LOC400499: variants seen among roughly 807,000 people sequenced by gnomAD.
chr16:11,428,618 C>T, the LOC400499 span, among the ~76,000 whole-genome samples: 3 of 152,128 alleles, frequency 2.0e-5, no homozygotes, highest in African/African-American at 7.2e-5. Context: ...GGCATTCGGC[C>T]GGCTTCTTTA....
chr16:11,463,029 A>G, the LOC400499 span, among the ~76,000 whole-genome samples: 114,401 of 152,092 alleles, frequency 0.75, 43,610 homozygotes, highest in Admixed American at 0.8. Context: ...ATGATGGCAC[A>G]CTAGCCTTTC....
At chr16:11,409,952 A>G in the LOC400499 span, among the ~76,000 whole-genome samples, 55,992 of 151,982 alleles carry the variant, frequency 0.37, 10,405 homozygotes, top group South Asian at 0.39. Context: ...AGGTTGAAAT[A>G]ACTCAAAATA....
the LOC400499 span, among the ~76,000 whole-genome samples, chr16:11,453,686 G>A: frequency 1.3e-5 from 2 of 151,958 alleles, no homozygotes; most frequent in East Asian, 3.9e-4. Flanking sequence ...GAAACAAGGA[G>A]GCCAGGTGCG....
the LOC400499 span, among the ~76,000 whole-genome samples, chr16:11,463,670 G>C: frequency 6.6e-6 from 1 of 152,144 alleles, no homozygotes; most frequent in Non-Finnish European, 1.5e-5. Flanking sequence ...GATGTGTATG[G>C]ATGTGTGTGT....
the LOC400499 span, among the ~76,000 whole-genome samples, chr16:11,488,232 G>C: frequency 6.6e-6 from 1 of 152,050 alleles, no homozygotes; most frequent in African/African-American, 2.4e-5. Context: ...GGTAGTGATA[G>C]ACAATTTCCT....
the LOC400499 span, among the ~76,000 whole-genome samples, chr16:11,513,114 G>A: frequency 6.6e-6 from 1 of 152,230 alleles, no homozygotes; most frequent in East Asian, 1.9e-4. Context: ...AAATTTAATC[G>A]GCGGGGTTCA....
chr16:11,411,911 G>T, the LOC400499 span, among the ~76,000 whole-genome samples: 1 of 151,508 alleles, frequency 6.6e-6, no homozygotes, highest in Admixed American at 6.6e-5. Context: ...CACCCAGGCT[G>T]GAGTGCAGTG....
the LOC400499 span, among the ~76,000 whole-genome samples, chr16:11,474,192 T>C: frequency 7.2e-5 from 11 of 152,322 alleles, no homozygotes; most frequent in African/African-American, 2.6e-4. Flanking sequence ...GGTCACACAG[T>C]CTAGCTTGCA....
At chr16:11,452,182 C>A in the LOC400499 span, among the ~76,000 whole-genome samples, 1 of 146,088 alleles carries the variant, frequency 6.8e-6, no homozygotes, top group Non-Finnish European at 1.5e-5. Flanking sequence ...GAACATCTGT[C>A]TGGTTGCTCA....
At chr16:11,439,348 A>G in the LOC400499 span, 1 of 395,484 alleles carries the variant, frequency 2.5e-6, no homozygotes, top group Non-Finnish European at 4.5e-6. Flanking sequence ...CTGTTTGGCT[A>G]AGCACAACAT....
chr16:11,398,949 C>G, the LOC400499 span, among the ~76,000 whole-genome samples: 2 of 152,174 alleles, frequency 1.3e-5, no homozygotes, highest in Non-Finnish European at 2.9e-5. Context: ...CCGCTCGTGG[C>G]AGGATTTCTG....
the LOC400499 span, chr16:11,392,345 C>T: frequency 5.0e-6 from 2 of 398,972 alleles, no homozygotes; most frequent in East Asian, 3.6e-5. Context: ...GCCCCCCTGG[C>T]AGCCGCGCGC....
chr16:11,377,515 C>G, the LOC400499 span, among the ~76,000 whole-genome samples: 1 of 152,174 alleles, frequency 6.6e-6, no homozygotes, highest in African/African-American at 2.4e-5. Context: ...TTTTTAATCA[C>G]GAAAGGGTAT....
chr16:11,403,830 GCAC>G, the LOC400499 span, among the ~76,000 whole-genome samples: 24,070 of 152,114 alleles, frequency 0.16, 2,342 homozygotes, highest in Non-Finnish European at 0.23. Context: ...AGCTCCCCTG[GCAC>G]CACAACTGCC....
At chr16:11,448,029 G>A in the LOC400499 span, 1 of 1,535,972 alleles carries the variant, frequency 6.5e-7, no homozygotes, top group Non-Finnish European at 8.7e-7. Flanking sequence ...GCTGGCCCTG[G>A]GCACCAATCC....
At chr16:11,516,096 T>G in the LOC400499 span, 6 of 399,362 alleles carry the variant, frequency 1.5e-5, no homozygotes, top group Non-Finnish European at 2.2e-5. Flanking sequence ...AGGTCAACCT[T>G]CTGGCCACCT....
the LOC400499 span, among the ~76,000 whole-genome samples, chr16:11,523,112 T>G: frequency 6.6e-6 from 1 of 152,170 alleles, no homozygotes; most frequent in Non-Finnish European, 1.5e-5. Context: ...CACTCCAAAA[T>G]GCAAATGGCA....
the LOC400499 span, among the ~76,000 whole-genome samples, chr16:11,511,084 C>T: frequency 2.7e-4 from 41 of 151,540 alleles, 1 homozygote; most frequent in South Asian, 8.6e-3. Flanking sequence ...GCAGCCTCGA[C>T]CTTCTGGGCT....
the LOC400499 span, chr16:11,462,159 C>T: frequency 7.8e-6 from 12 of 1,531,160 alleles, no homozygotes; most frequent in African/African-American, 5.5e-5. Flanking sequence ...CTCAGCGATG[C>T]GGAGAAGGCC....
Sources: gnomAD v4.1 joint callset for allele counts (sites outside exome capture counted in the v4.1 genomes callset) on GRCh38, gnomAD v4.1.1 for gene constraint, MANE v1.5 for transcripts.